Variants in PTPRD observed in about 807,000 individuals in gnomAD.
PTPRD encodes protein tyrosine phosphatase receptor type D.
In PTPRD, 34 loss-of-function variants were observed where a neutral mutation model predicts 214.5. The observed-to-expected ratio is 0.16, with a 90% CI of 0.12 to 0.21. PTPRD has a LOEUF of 0.21. PTPRD is among the 10% of genes least tolerant of loss of function. The pLI is 1.00. For missense variants in PTPRD, 2,545 were observed against 2,398.7 expected (o/e 1.06, Z -1.27); for synonymous variants, 1,128 against 845.7 (o/e 1.33, Z -5.79).
intron 5 of PTPRD, among the ~76,000 whole-genome samples, chr9:9,914,428 C>T (rs10978083): frequency 0.34 from 51,228 of 151,976 alleles, 9,281 homozygotes; most frequent in African/African-American, 0.48. Context: ...GCTGAGTAGC[C>T]GTGTAGCCAC....
At chr9:9,192,749 G>T (rs1485302786) in intron 9 of PTPRD, among the ~76,000 whole-genome samples, 1 of 152,046 alleles carries the variant, frequency 6.6e-6, no homozygotes, top group Non-Finnish European at 1.5e-5. Flanking sequence ...GCTAGATACA[G>T]ATTTGGGAAA....
At chr9:10,147,793 T>G (rs996636853) in intron 3 of PTPRD, among the ~76,000 whole-genome samples, 5 of 152,106 alleles carry the variant, frequency 3.3e-5, no homozygotes, top group African/African-American at 9.7e-5. Context: ...GGCAAGAGAA[T>G]TGCTTGAACC....
chr9:8,433,496 C>T (rs1358960506), intron 35 of PTPRD, among the ~76,000 whole-genome samples: 2 of 152,190 alleles, frequency 1.3e-5, no homozygotes, highest in Non-Finnish European at 2.9e-5. Flanking sequence ...CAGCTCCAGG[C>T]TGTCACCCTG....
At chr9:9,742,819 A>G (rs183991846) in intron 6 of PTPRD, among the ~76,000 whole-genome samples, 46 of 152,300 alleles carry the variant, frequency 3.0e-4, no homozygotes, top group African/African-American at 1.1e-3. Flanking sequence ...TTCAAATGAC[A>G]TATCTGTGGG....
chr9:9,050,848 T>C (rs1480893315), intron 10 of PTPRD, among the ~76,000 whole-genome samples: 3 of 152,138 alleles, frequency 2.0e-5, no homozygotes, highest in Admixed American at 2.0e-4. Flanking sequence ...GCCTAATATA[T>C]AAGGTAAGCT....
chr9:8,777,120 C>T (rs2095517424), intron 11 of PTPRD, among the ~76,000 whole-genome samples: 4 of 151,954 alleles, frequency 2.6e-5, no homozygotes, highest in African/African-American at 9.6e-5. Context: ...GCTGGAACTA[C>T]AGGTGCGTGC....
chr9:8,486,568 C>G, intron 27 of PTPRD: 1 of 681,980 alleles, frequency 1.5e-6, no homozygotes, highest in Non-Finnish European at 2.7e-6. Flanking sequence ...ATAATGGACA[C>G]AAAACAGAAA....
chr9:8,744,392 C>T (rs963184079), intron 11 of PTPRD, among the ~76,000 whole-genome samples: 3 of 152,202 alleles, frequency 2.0e-5, no homozygotes, highest in Admixed American at 1.3e-4. Flanking sequence ...AATATGGAAC[C>T]AGCCCAAATG....
intron 2 of PTPRD, among the ~76,000 whole-genome samples, chr9:10,522,129 G>T (rs10959142): frequency 0.38 from 58,195 of 151,948 alleles, 12,692 homozygotes; most frequent in Non-Finnish European, 0.51. Flanking sequence ...TTCAAATACC[G>T]AAAGGTTTGG....
At position 9,493,469 on chromosome 9, in the gene PTPRD, T is replaced by C. The variant is rs181827745; in HGVS notation, c.-237+81263A>G. ...CAGCTCATGGATCAAAGAGTAACTT[T>C]GACTTTCCAGTTTTATTATTTAAGA... On this transcript the variant is annotated intron_variant, in intron 8 of 45. Coordinates refer to ENST00000381196, the MANE Select transcript of PTPRD (RefSeq NM_002839.4). Among the ~76,000 whole-genome samples the C allele has an allele frequency of 3.3e-4, 50 of 152,260 alleles. 1 individual carries two copies. Among genetic ancestry groups the C allele is most frequent in the African/African-American group, 1.1e-3 (47 of 41,552 alleles).
chr9:9,588,334 T>C (rs932386421), intron 7 of PTPRD, among the ~76,000 whole-genome samples: 25 of 151,942 alleles, frequency 1.6e-4, no homozygotes, highest in African/African-American at 6.0e-4. Flanking sequence ...TTGCTTCTAC[T>C]GAGTTACATT....
chr9:8,813,988 G>A (rs1017709537), intron 11 of PTPRD, among the ~76,000 whole-genome samples: 1 of 152,176 alleles, frequency 6.6e-6, no homozygotes, highest in African/African-American at 2.4e-5. Context: ...ACACTGAAGT[G>A]TAATCAGGTG....
intron 5 of PTPRD, among the ~76,000 whole-genome samples, chr9:9,823,904 G>C (rs1363224789): frequency 1.3e-5 from 2 of 152,020 alleles, no homozygotes; most frequent in East Asian, 3.9e-4. Flanking sequence ...ATAAATGTTT[G>C]AGATAATGAA....
chr9:8,450,509 C>T (rs1254777088), intron 33 of PTPRD, among the ~76,000 whole-genome samples: 1 of 152,136 alleles, frequency 6.6e-6, no homozygotes, highest in Non-Finnish European at 1.5e-5. Context: ...ATGAAAGGTT[C>T]ACAGAAAGAT....
intron 34 of PTPRD, among the ~76,000 whole-genome samples, chr9:8,441,312 A>G (rs1375290706): frequency 6.6e-6 from 1 of 152,078 alleles, no homozygotes; most frequent in African/African-American, 2.4e-5. Context: ...TAGTGTACAC[A>G]TTGGGGGGCT....
intron 7 of PTPRD, among the ~76,000 whole-genome samples, chr9:9,653,348 C>CAAAAAAAAAAAAAAAA (rs1175875551): frequency 3.1e-5 from 1 of 32,506 alleles, no homozygotes; most frequent in African/African-American, 1.0e-4. Context: ...GACTCCGTCT[C>CAAAAAAAAAAAAAAAA]AAAAAAAAAA....
rs73392861 is a variant in PTPRD, at chr9:9,743,878, C to A, written c.-325-9307G>T. Among the ~76,000 whole-genome samples, 732 of 152,074 alleles carry A rather than the reference C, an allele frequency of 4.8e-3. 4 individuals are homozygous for A. The highest frequency in any genetic ancestry group is 0.016 in the African/African-American group (682 of 41,518). ...AATTTTTATCCAAGAAGAAAATATG[C>A]AGGCTAATTGATCCGATAAATCTAT... is the stretch of plus-strand genomic sequence containing the variant. On this transcript the variant is annotated intron_variant, in intron 6 of 45. Coordinates refer to ENST00000381196, the MANE Select transcript of PTPRD (RefSeq NM_002839.4).
intron 11 of PTPRD, among the ~76,000 whole-genome samples, chr9:8,965,414 C>T (rs1208596627): frequency 6.6e-6 from 1 of 151,678 alleles, no homozygotes; most frequent in Non-Finnish European, 1.5e-5. Context: ...AGTTTTCTGC[C>T]TCACTGATCT....
At chr9:8,709,506 C>G (rs886960772) in intron 12 of PTPRD, among the ~76,000 whole-genome samples, 8 of 131,778 alleles carry the variant, frequency 6.1e-5, no homozygotes, top group Admixed American at 5.0e-4. Flanking sequence ...CAGAGTGAGA[C>G]TCCATCTCAA....
Sources: gnomAD v4.1 joint callset for allele counts (sites outside exome capture counted in the v4.1 genomes callset) on GRCh38, gnomAD v4.1.1 for gene constraint, MANE v1.5 for transcripts, NCBI Gene and HGNC (gene_info 2026-07-23, HGNC 2026-07-21) for gene names.